Variants in PRDM16 observed in about 807,000 individuals in gnomAD.
PRDM16 encodes the protein PR/SET domain 16.
Under a neutral mutation model 110.6 loss-of-function variants are expected in PRDM16, and 23 were observed. The observed-to-expected ratio is 0.21, with a 90% CI of 0.15 to 0.29. The LOEUF is 0.29. Ranked by LOEUF, PRDM16 falls within the 10% of genes least tolerant of loss-of-function variation. The pLI, the probability that PRDM16 is intolerant of heterozygous loss-of-function variation, is 1.00. For synonymous variants in PRDM16, 799 were observed against 781.8 expected (o/e 1.02, Z -0.37); for missense variants, 1,615 against 1,794.3 (o/e 0.90, Z 1.81).
At chr1:3,119,013 G>T (rs906119123) in intron 1 of PRDM16, among the ~76,000 whole-genome samples, 6 of 152,242 alleles carry the variant, frequency 3.9e-5, no homozygotes, top group Admixed American at 3.9e-4. Flanking sequence ...CCCAGAGCAG[G>T]CAGGGTGGGT....
At chr1:3,363,384 G>A (rs569559355) in intron 3 of PRDM16, among the ~76,000 whole-genome samples, 1 of 152,088 alleles carries the variant, frequency 6.6e-6, no homozygotes, top group Admixed American at 6.5e-5. Flanking sequence ...ATTCTTCTCC[G>A]GGAATTTCCT....
chr1:3,366,571 G>A (rs879379803), intron 3 of PRDM16, among the ~76,000 whole-genome samples: 3 of 152,148 alleles, frequency 2.0e-5, no homozygotes, highest in Non-Finnish European at 4.4e-5. Flanking sequence ...ATTCAGAAAG[G>A]GGCTAGTAGT....
chr1:3,286,853 G>T (rs961017841), intron 3 of PRDM16, among the ~76,000 whole-genome samples: 5 of 151,996 alleles, frequency 3.3e-5, no homozygotes, highest in Admixed American at 2.6e-4. Flanking sequence ...ACTCAAAGCT[G>T]GGTCTGCCCA....
chr1:3,358,471 C>T lies in PRDM16; in HGVS notation c.439-26681C>T, dbSNP rs1352788316. Among the ~76,000 whole-genome samples the T allele has an allele frequency of 5.3e-5, 8 of 152,150 alleles. No homozygotes were observed. The highest frequency in any genetic ancestry group is 3.3e-4 in the Admixed American group (5 of 15,282). On this transcript the variant is annotated intron_variant, in intron 3 of 16. Coordinates refer to ENST00000270722, the MANE Select transcript of PRDM16 (RefSeq NM_022114.4). The surrounding 1 kb of genome is among the most constrained non-coding windows in gnomAD (Gnocchi z 4.0). Reference sequence around the variant, plus strand: ...GTGTTGTCTCCAGAGGCAGCCGCTGCGCCCCAGACTCCCAGCCGCGGCTTC... The same window carrying T: ...GTGTTGTCTCCAGAGGCAGCCGCTGTGCCCCAGACTCCCAGCCGCGGCTTC...
intron 8 of PRDM16, among the ~76,000 whole-genome samples, chr1:3,409,168 G>A (rs1557659108): frequency 6.7e-6 from 1 of 148,638 alleles, no homozygotes; most frequent in Non-Finnish European, 1.5e-5. Context: ...AGTGAGTGTG[G>A]GCACGTGAGT....
chr1:3,416,043 C>A (rs890718543), intron 10 of PRDM16, among the ~76,000 whole-genome samples: 3 of 152,186 alleles, frequency 2.0e-5, no homozygotes, highest in South Asian at 4.1e-4. Flanking sequence ...ATGCCTGCCT[C>A]GCAGGGGCGG....
intron 3 of PRDM16, among the ~76,000 whole-genome samples, chr1:3,325,291 G>A (rs1641862729): frequency 6.6e-6 from 1 of 152,236 alleles, no homozygotes; most frequent in Non-Finnish European, 1.5e-5. Flanking sequence ...CGGGCTCCCA[G>A]GAGGTGTTAG....
intron 1 of PRDM16, chr1:3,133,583 C>G (rs1329199663): frequency 6.6e-6 from 1 of 152,326 alleles, no homozygotes; most frequent in Non-Finnish European, 1.5e-5. Context: ...CAAGATCCAC[C>G]TTGGCAGGGG....
At chr1:3,343,259 A>C (rs1170417267) in intron 3 of PRDM16, among the ~76,000 whole-genome samples, 1 of 148,688 alleles carries the variant, frequency 6.7e-6, no homozygotes, top group Non-Finnish European at 1.5e-5. Flanking sequence ...TGATATTTTC[A>C]CTGGGTATAA....
chr1:3,371,693 C>G (rs989414739), intron 3 of PRDM16, among the ~76,000 whole-genome samples: 2 of 152,220 alleles, frequency 1.3e-5, no homozygotes, highest in Admixed American at 1.3e-4. Flanking sequence ...CTACCATCAT[C>G]AATTAGAGGA....
chr1:3,134,158 TG>T (rs1643389606), intron 1 of PRDM16, among the ~76,000 whole-genome samples: 1 of 152,124 alleles, frequency 6.6e-6, no homozygotes, highest in African/African-American at 2.4e-5. Flanking sequence ...GCTGGGACCT[TG>T]GAGATCAGCA....
intron 3 of PRDM16, among the ~76,000 whole-genome samples, chr1:3,365,930 A>ACAAACGCACACACG (rs1642802570): frequency 9.4e-6 from 1 of 106,312 alleles, no homozygotes; most frequent in African/African-American, 4.9e-5. Context: ...ACACACGCAC[A>ACAAACGCACACACG]CATGCACACA....
intron 1 of PRDM16, among the ~76,000 whole-genome samples, chr1:3,159,476 T>G (rs191942767): frequency 6.2e-4 from 95 of 152,352 alleles, no homozygotes; most frequent in African/African-American, 2.0e-3. Context: ...TCTGTGTGTC[T>G]GTGTCCTCAT....
At position 3,432,265 on chromosome 1, in the gene PRDM16, C is replaced by T. The variant is rs886716467; in HGVS notation, c.3696+125C>T. 2.4e-5 allele frequency: 18 copies of T among 752,684 alleles called. 1 individual carries two copies. In the East Asian group the frequency reaches 3.3e-4, roughly 14 times the overall value. 46.6% of individuals were successfully genotyped at this position (752,684 alleles called of 1,614,324 possible). Reference sequence around the variant, plus strand: ...AGCTCTGGTCACGCAAACGCCCCCACGCTGCATCCTCCAGAGAGGCCCCAG... The same window carrying T: ...AGCTCTGGTCACGCAAACGCCCCCATGCTGCATCCTCCAGAGAGGCCCCAG... On this transcript the variant is annotated intron_variant, in intron 16 of 16. Transcript: ENST00000270722.
intron 1 of PRDM16, among the ~76,000 whole-genome samples, chr1:3,131,498 C>T (rs958318229): frequency 2.0e-5 from 3 of 151,282 alleles, no homozygotes; most frequent in Admixed American, 6.6e-5. Context: ...CTGGGTTTTA[C>T]TTCAAAGGAT....
chr1:3,432,775 T>G (rs954185244), intron 16 of PRDM16, among the ~76,000 whole-genome samples: 1 of 152,200 alleles, frequency 6.6e-6, no homozygotes, highest in Admixed American at 6.5e-5. Flanking sequence ...TTTTTACTAA[T>G]TCTGTCTGGA....
rs111426893 is a variant in PRDM16, at chr1:3,350,120, G to A, written c.439-35032G>A. Among the ~76,000 whole-genome samples, 2,004 of 152,318 alleles carry A rather than the reference G, an allele frequency of 0.013. 45 individuals are homozygous for A. Among genetic ancestry groups the A allele is most frequent in the African/African-American group, 0.045 (1,876 of 41,560 alleles). Reference sequence around the variant, plus strand: ...GGCCAAGGCGGGAGGAAGCCCAGAAGTTTGAGGCCAGCCTGGACAACATAG... The same window carrying A: ...GGCCAAGGCGGGAGGAAGCCCAGAAATTTGAGGCCAGCCTGGACAACATAG... On this transcript the variant is annotated intron_variant, in intron 3 of 16. Transcript: ENST00000270722. The surrounding 1 kb of genome is among the most constrained non-coding windows in gnomAD (Gnocchi z 7.1).
intron 1 of PRDM16, among the ~76,000 whole-genome samples, chr1:3,138,716 C>T (rs984664072): frequency 6.6e-6 from 1 of 152,186 alleles, no homozygotes; most frequent in African/African-American, 2.4e-5. Flanking sequence ...GAAGGCTTTC[C>T]TGCTCAGACC....
At chr1:3,291,998 A>G (rs1640983138) in intron 3 of PRDM16, among the ~76,000 whole-genome samples, 1 of 152,190 alleles carries the variant, frequency 6.6e-6, no homozygotes, top group Non-Finnish European at 1.5e-5. Flanking sequence ...GGCACCCTCA[A>G]GATGCCTTTA....
Sources: allele counts gnomAD v4.1 joint callset (sites outside exome capture counted in the v4.1 genomes callset), GRCh38; gene constraint gnomAD v4.1.1; non-coding constraint Gnocchi (gnomAD v3.1); transcripts MANE v1.5; gene names NCBI Gene and HGNC (gene_info 2026-07-23, HGNC 2026-07-21).